Variants in TP73 observed in about 807,000 individuals in gnomAD.
TP73 encodes the protein tumor protein p73.
TP73 carries 25 observed loss-of-function variants against 62.5 expected under a neutral mutation model. The observed-to-expected ratio is 0.40, with a 90% CI of 0.29 to 0.56. The LOEUF (loss-of-function observed/expected upper bound fraction) is 0.56. Ranked by LOEUF, TP73 falls within the 20% of genes least tolerant of loss-of-function variation. TP73 has a pLI of 0.46. For missense variants in TP73, 754 were observed against 913.3 expected, an observed-to-expected ratio of 0.83 and a Z score of 2.25; for synonymous variants, 423 against 377.5, an observed-to-expected ratio of 1.12 and a Z score of -1.40.
chr1:3,656,784 A>G (rs1344777375), intron 1 of TP73, among the ~76,000 whole-genome samples: 2 of 152,218 alleles, frequency 1.3e-5, no homozygotes, highest in African/African-American at 4.8e-5. Flanking sequence ...AGGGGTAGAG[A>G]GTCCAGGGTG....
chr1:3,720,196 G>A (rs115384663), intron 4 of TP73, among the ~76,000 whole-genome samples: 1,555 of 152,304 alleles, frequency 0.01, 27 homozygotes, highest in African/African-American at 0.035. Context: ...GATTACAGGC[G>A]TGAGCCACCG....
intron 1 of TP73, among the ~76,000 whole-genome samples, chr1:3,665,950 T>C (rs530225105): frequency 4.5e-4 from 67 of 147,324 alleles, no homozygotes; most frequent in African/African-American, 1.6e-3. Context: ...CTGGCCAACA[T>C]ACAGTGAAAC....
chr1:3,676,218 G>A (rs1024027674), intron 1 of TP73, among the ~76,000 whole-genome samples: 2 of 150,518 alleles, frequency 1.3e-5, no homozygotes, highest in Non-Finnish European at 1.5e-5. Context: ...ATGGGAGAAG[G>A]AGAGGTCAAA....
chr1:3,718,838 G>A (rs1291142691), intron 4 of TP73, among the ~76,000 whole-genome samples: 1 of 152,180 alleles, frequency 6.6e-6, no homozygotes, highest in Non-Finnish European at 1.5e-5. Flanking sequence ...CCCCGGAAAG[G>A]GAACTGTAGG....
chr1:3,708,944 A>G lies in TP73; in HGVS notation c.429+1153A>G, dbSNP rs565493267. On this transcript the variant is annotated intron_variant, in intron 4 of 13. Transcript: ENST00000378295. Reference sequence around the variant, plus strand: ...GTCCATGCAGGGCGGCCGCATTCCCACCCCCTGTCGGGAGTGCTGAGCAAG... The same window carrying G: ...GTCCATGCAGGGCGGCCGCATTCCCGCCCCCTGTCGGGAGTGCTGAGCAAG... Among the ~76,000 whole-genome samples the G allele has an allele frequency of 5.9e-5, 9 of 151,514 alleles. No individual in the cohort carries two copies. The South Asian group carries it at 1.7e-3, about 28-fold the overall frequency.
intron 1 of TP73, among the ~76,000 whole-genome samples, chr1:3,678,230 G>A (rs140610671): frequency 5.6e-4 from 86 of 152,354 alleles, no homozygotes; most frequent in African/African-American, 1.5e-3. Context: ...AAAGGCAAAT[G>A]GTTGGGAAAA....
intron 8 of TP73, 118 bp downstream of exon 8, chr1:3,727,888 CCA>C: frequency 7.2e-7 from 1 of 1,391,822 alleles, no homozygotes; most frequent in African/African-American, 1.4e-5. Flanking sequence ...CCCCCCACGC[CCA>C]GACTCCTCCC....
At chr1:3,731,595 C>A (rs368134981) in intron 13 of TP73, 39 bp downstream of exon 13, 2 of 1,588,516 alleles carry the variant, frequency 1.3e-6, no homozygotes, top group African/African-American at 2.7e-5. Flanking sequence ...GAGGCAGTAG[C>A]TGGAGGGGCC....
chr1:3,722,821 GC>G (rs1280350887), intron 5 of TP73, among the ~76,000 whole-genome samples: 1 of 145,014 alleles, frequency 6.9e-6, no homozygotes, highest in African/African-American at 2.7e-5. Context: ...TGGGCACCTG[GC>G]ATGGGGCCGG....
intron 3 of TP73, among the ~76,000 whole-genome samples, chr1:3,685,249 C>T (rs1425629564): frequency 6.6e-6 from 1 of 152,164 alleles, no homozygotes; most frequent in Non-Finnish European, 1.5e-5. Context: ...GTGGAGCGTG[C>T]TTGTCCTCCC....
intron 3 of TP73, among the ~76,000 whole-genome samples, chr1:3,698,506 C>T (rs1453478554): frequency 6.6e-6 from 1 of 152,188 alleles, no homozygotes; most frequent in African/African-American, 2.4e-5. Context: ...AAGGGAGGGG[C>T]TGGTGGGCCA....
intron 3 of TP73, among the ~76,000 whole-genome samples, chr1:3,687,874 G>A (rs1012373533): frequency 1.4e-4 from 21 of 152,268 alleles, no homozygotes; most frequent in Admixed American, 7.8e-4. Context: ...TGGGAGCCCC[G>A]GGAACCCAGT....
chr1:3,710,926 C>T (rs1252800824), intron 4 of TP73, among the ~76,000 whole-genome samples: 3 of 152,166 alleles, frequency 2.0e-5, no homozygotes, highest in Non-Finnish European at 2.9e-5. Flanking sequence ...GGAGGCGAGT[C>T]GTGGGTAACC....
intron 6 of TP73, among the ~76,000 whole-genome samples, chr1:3,723,871 C>T (rs1445467128): frequency 6.6e-6 from 1 of 152,144 alleles, no homozygotes; most frequent in Non-Finnish European, 1.5e-5. Flanking sequence ...CAGAACCAAA[C>T]CAGCAACAGC....
chr1:3,700,780 C>CA (rs879856293), intron 3 of TP73, among the ~76,000 whole-genome samples: 117 of 133,696 alleles, frequency 8.8e-4, no homozygotes, highest in Middle Eastern at 3.9e-3. Flanking sequence ...GACTTCGTCT[C>CA]AAAAAAAAAA....
At chr1:3,664,904 G>C (rs538395965) in intron 1 of TP73, among the ~76,000 whole-genome samples, 13 of 152,322 alleles carry the variant, frequency 8.5e-5, no homozygotes, top group South Asian at 4.1e-4. Context: ...GCACGATTCA[G>C]TGGGCAAGGC....
chr1:3,662,476 T>G lies in TP73; in HGVS notation c.-34+9835T>G, dbSNP rs1570360470. 6.6e-6 allele frequency among the ~76,000 whole-genome samples: 1 copy of G among 152,150 alleles called. No homozygotes were observed. The highest frequency in any genetic ancestry group is 2.1e-4 in the South Asian group (1 of 4,830). On this transcript the variant is annotated intron_variant, in intron 1 of 13. Coordinates refer to ENST00000378295, the MANE Select transcript of TP73 (RefSeq NM_005427.4). This position sits in a 1 kb window ranked among gnomAD's most constrained non-coding sequence, Gnocchi z 4.4. ...TATAGCAGGGGAGTTGACTGGTGAA[T>G]GAAGGTGGTTTCGTCACGCGGACAT...
At chr1:3,675,318 G>GCCCAGGTGTCTCCTCCCACAATGGC (rs1645337812) in intron 1 of TP73, among the ~76,000 whole-genome samples, 7 of 150,928 alleles carry the variant, frequency 4.6e-5, no homozygotes, top group Non-Finnish European at 5.9e-5. Context: ...TCCCACAATG[G>GCCCAGGTGTCTCCTCCCACAATGGC]CCCAGGTGTC....
Position 3,683,194 on chromosome 1 carries a change from C to T in TP73, c.186+14C>T. ...ACATCTGTCATGGTGAGTGGGGGGG[C>T]TGCCCTCTGCAAGAGGACTGGAGTG... On this transcript the variant is annotated intron_variant, in intron 3 of 13. Transcript: ENST00000378295. 6.3e-7 allele frequency: 1 copy of T among 1,593,884 alleles called. No individual in the cohort carries two copies. Among genetic ancestry groups the T allele is most frequent in the Non-Finnish European group, 8.6e-7 (1 of 1,165,790 alleles).
Sources: allele counts gnomAD v4.1 joint callset (sites outside exome capture counted in the v4.1 genomes callset), GRCh38; gene constraint gnomAD v4.1.1; non-coding constraint Gnocchi (gnomAD v3.1); transcripts MANE v1.5; gene names NCBI Gene and HGNC (gene_info 2026-07-23, HGNC 2026-07-21).